KLHL3: variants seen among roughly 807,000 people sequenced by gnomAD.
KLHL3 encodes the protein kelch like family member 3.
In KLHL3, 19 loss-of-function variants were observed where a neutral mutation model predicts 70.5. The ratio of observed to expected loss-of-function variants is 0.27; its 90% confidence interval spans 0.19 to 0.40. The LOEUF (loss-of-function observed/expected upper bound fraction) is 0.40, where lower values mean the gene tolerates loss of function less well. Among genes scored for constraint, KLHL3 ranks in the 10% least tolerant of loss-of-function variants. The probability of loss-of-function intolerance (pLI) is 1.00; values close to 1 mark genes in which losing one functional copy is unlikely to be tolerated. For synonymous variants in KLHL3, 258 were observed against 290.3 expected, an observed-to-expected ratio of 0.89 and a Z score of 1.13; for missense variants, 512 against 771.1, an observed-to-expected ratio of 0.66 and a Z score of 3.98.
chr5:137,643,186 A>T (rs1750961046), intron 8 of KLHL3, among the ~76,000 whole-genome samples: 1 of 151,978 alleles, frequency 6.6e-6, no homozygotes, highest in Admixed American at 6.6e-5. Context: ...CCCCGTCTCT[A>T]CAAAAAATAC....
At chr5:137,659,385 G>A (rs3822836) in intron 7 of KLHL3, among the ~76,000 whole-genome samples, 39,650 of 152,078 alleles carry the variant, frequency 0.26, 5,449 homozygotes, top group East Asian at 0.49. Context: ...CATGGCCAGG[G>A]CCATCATCTG....
At chr5:137,622,821 G>A (rs1006298450) in intron 14 of KLHL3, among the ~76,000 whole-genome samples, 2 of 152,210 alleles carry the variant, frequency 1.3e-5, no homozygotes, top group African/African-American at 2.4e-5. Context: ...AGGGACTGAG[G>A]CTACATGGCA....
intron 2 of KLHL3, among the ~76,000 whole-genome samples, chr5:137,718,751 C>T (rs911415442): frequency 2.6e-5 from 4 of 152,206 alleles, no homozygotes; most frequent in Admixed American, 6.5e-5. Flanking sequence ...AACAAGAGAA[C>T]CATGCCCATA....
chr5:137,694,576 C>G (rs1337046455), intron 4 of KLHL3, among the ~76,000 whole-genome samples: 1 of 152,180 alleles, frequency 6.6e-6, no homozygotes, highest in Non-Finnish European at 1.5e-5. Flanking sequence ...GATCCATTAA[C>G]CATTCTTGCT....
Position 137,692,435 on chromosome 5 carries a change from C to A in KLHL3, c.376G>T (p.Ala126Ser). The change falls in exon 5 of 15, where the codon GCA becomes TCA. Residue 126 changes from alanine (A) to serine (S), a missense_variant. Coordinates refer to ENST00000309755, the MANE Select transcript of KLHL3 (RefSeq NM_017415.3). ...TCCATGAGCTGCAGCAAGCTGGCTG[C>A]CGGGAGCAGCACCTGCAAGAGAAGG... ...TEENVQVLLP[A>S]ASLLQLMDVR... The A allele has an allele frequency of 6.2e-7, 1 of 1,613,992 alleles. No homozygotes were observed. Among genetic ancestry groups the A allele is most frequent in the Non-Finnish European group, 8.5e-7 (1 of 1,180,010 alleles).
At chr5:137,685,936 T>C (rs1252929639) in intron 5 of KLHL3, among the ~76,000 whole-genome samples, 1 of 152,258 alleles carries the variant, frequency 6.6e-6, no homozygotes. Flanking sequence ...GGTATAATTC[T>C]TTCCACCCAT....
In KLHL3 at chr5:137,621,757, CAT is replaced by C. The variant is rs1222118146; in HGVS notation, c.*339_*340del. 2.4e-5 allele frequency: 7 copies of C among 291,344 alleles called. No homozygotes were observed. Among genetic ancestry groups the C allele is most frequent in the Non-Finnish European group, 4.4e-5 (7 of 160,038 alleles). The allele number at this position is 291,344 out of a possible 1,614,324, so 18.0% of individuals were successfully genotyped here. ...ACGCTCACCCCCCAACTTAGAGAAACATAGAGAAACACCATGGTCTACACACA... is the reference window on the plus strand; with the variant it reads ...ACGCTCACCCCCCAACTTAGAGAAACAGAGAAACACCATGGTCTACACACA... On this transcript the variant is annotated 3_prime_UTR_variant, in exon 15 of 15. Transcript: ENST00000309755.
intron 2 of KLHL3, among the ~76,000 whole-genome samples, chr5:137,716,313 A>G (rs1003469516): frequency 6.6e-6 from 1 of 151,876 alleles, no homozygotes; most frequent in Non-Finnish European, 1.5e-5. Context: ...CTGGGATTAC[A>G]GTCACAAACT....
At chr5:137,733,254 C>T (rs1580792921) in intron 1 of KLHL3, among the ~76,000 whole-genome samples, 1 of 152,196 alleles carries the variant, frequency 6.6e-6, no homozygotes, top group East Asian at 1.9e-4. Flanking sequence ...TCAAAGCATT[C>T]CTTGAAGTCA....
In KLHL3 at chr5:137,639,249, C is replaced by T. The variant is rs184190579; in HGVS notation, c.1022-99G>A. ...GGAGCAAGACAGACACAGGAAAAGTCGCCACCGAAGATACTTTAGGTATTT... is the reference window on the plus strand; with the variant it reads ...GGAGCAAGACAGACACAGGAAAAGTTGCCACCGAAGATACTTTAGGTATTT... On this transcript the variant is annotated intron_variant, in intron 9 of 14. Transcript: ENST00000309755. This position sits in a 1 kb window ranked among gnomAD's most constrained non-coding sequence, Gnocchi z 5.0. 5.9e-5 allele frequency: 67 copies of T among 1,142,282 alleles called. No individual in the cohort carries two copies. The East Asian group carries it at 9.0e-4, about 15-fold the overall frequency. The allele number at this position is 1,142,282 out of a possible 1,614,324, so 70.8% of individuals were successfully genotyped here. A position where few individuals can be genotyped will look rare whatever the true frequency, so the allele number is the denominator to read the frequency against.
intron 3 of KLHL3, among the ~76,000 whole-genome samples, chr5:137,706,608 T>C (rs1752690441): frequency 6.6e-6 from 1 of 152,218 alleles, no homozygotes; most frequent in African/African-American, 2.4e-5. Flanking sequence ...GATGCAAGGA[T>C]GCCCATTATA....
At chr5:137,681,130 T>C (rs972976147) in intron 5 of KLHL3, among the ~76,000 whole-genome samples, 1 of 152,180 alleles carries the variant, frequency 6.6e-6, no homozygotes, top group South Asian at 2.1e-4. Flanking sequence ...TCCAGTGGTA[T>C]AGGTTATTCA....
At chr5:137,625,205 T>A (rs907416729) in intron 14 of KLHL3, among the ~76,000 whole-genome samples, 1 of 152,274 alleles carries the variant, frequency 6.6e-6, no homozygotes, top group African/African-American at 2.4e-5. Context: ...ATTTGTGTGA[T>A]TGTGATCCAC....
intron 14 of KLHL3, among the ~76,000 whole-genome samples, chr5:137,625,225 T>C (rs771092717): frequency 3.9e-5 from 6 of 152,252 alleles, no homozygotes; most frequent in Admixed American, 1.3e-4. Context: ...CCCTCAAAGT[T>C]TAATTGAGCC....
intron 6 of KLHL3, among the ~76,000 whole-genome samples, chr5:137,671,215 T>A (rs1399986119): frequency 6.6e-6 from 1 of 152,124 alleles, no homozygotes; most frequent in Non-Finnish European, 1.5e-5. Context: ...CTTCCAAGTC[T>A]TTAGTAGGAA....
rs147337959 is a variant in KLHL3, at chr5:137,628,700, T to A, written c.1451-263A>T. ...TGTTTTTAAAAAACATTAAAAAATATATATATATATATACACACACACAGA... is the reference window on the plus strand; with the variant it reads ...TGTTTTTAAAAAACATTAAAAAATAAATATATATATATACACACACACAGA... On this transcript the variant is annotated intron_variant, in intron 12 of 14. Coordinates refer to ENST00000309755, the MANE Select transcript of KLHL3 (RefSeq NM_017415.3). 57,924 of 169,764 alleles carry A rather than the reference T, an allele frequency of 0.34. 7,768 individuals are homozygous for A. Among genetic ancestry groups the A allele is most frequent in the East Asian group, 0.46 (5,389 of 11,764 alleles). The allele number at this position is 169,764 out of a possible 1,614,324, so 10.5% of individuals were successfully genotyped here.
intron 11 of KLHL3, among the ~76,000 whole-genome samples, chr5:137,634,790 C>G (rs1454633811): frequency 6.6e-6 from 1 of 152,126 alleles, no homozygotes; most frequent in African/African-American, 2.4e-5. Context: ...GAGGTGCCGT[C>G]ATTTACTTTT....
chr5:137,714,878 CCAT>C (rs1266304909), intron 2 of KLHL3, among the ~76,000 whole-genome samples: 1 of 151,754 alleles, frequency 6.6e-6, no homozygotes, highest in Admixed American at 6.6e-5. Flanking sequence ...TAGTGACAGA[CCAT>C]CAAAAAAAAA....
At chr5:137,656,786 A>G (rs1751355932) in intron 8 of KLHL3, among the ~76,000 whole-genome samples, 1 of 152,266 alleles carries the variant, frequency 6.6e-6, no homozygotes, top group Non-Finnish European at 1.5e-5. Context: ...ACAAAGGTGA[A>G]GCCAGGTGCA....
Sources: gnomAD v4.1 joint callset for allele counts (sites outside exome capture counted in the v4.1 genomes callset) on GRCh38, gnomAD v4.1.1 for gene constraint, Gnocchi (gnomAD v3.1) non-coding constraint, MANE v1.5 for transcripts, NCBI Gene and HGNC (gene_info 2026-07-23, HGNC 2026-07-21) for gene names.